Variants in EDEM2 observed in about 807,000 individuals in gnomAD.
The protein encoded by EDEM2 is ER degradation enhancing alpha-mannosidase like protein 2.
In EDEM2, 39 loss-of-function variants were observed where a neutral mutation model predicts 64.8. That is an observed-to-expected ratio of 0.60 (90% CI 0.47 to 0.79). The LOEUF is 0.79. Ranked by LOEUF, EDEM2 falls within the 30% of genes least tolerant of loss-of-function variation. EDEM2 has a pLI of 0.00. For synonymous variants in EDEM2, 296 were observed against 291.5 expected, an observed-to-expected ratio of 1.02 and a Z score of -0.16; for missense variants, 609 against 731.3, an observed-to-expected ratio of 0.83 and a Z score of 1.93.
chr20:35,119,193 T>G (rs1352483013), intron 9 of EDEM2, among the ~76,000 whole-genome samples: 2 of 152,218 alleles, frequency 1.3e-5, no homozygotes, highest in Non-Finnish European at 2.9e-5. Context: ...TTTTTTTTCC[T>G]GTCACTCAGA....
chr20:35,139,527 G>A (rs1035401133), intron 4 of EDEM2, among the ~76,000 whole-genome samples: 13 of 151,536 alleles, frequency 8.6e-5, no homozygotes, highest in Non-Finnish European at 1.3e-4. Flanking sequence ...TTGTGCGCCT[G>A]TAGTCCCAGC....
rs1433696312 is a variant in EDEM2 at position 35,118,679 on chromosome 20, C to T, written c.1155G>A (p.Gly385=). 6.2e-7 allele frequency: 1 copy of T among 1,613,380 alleles called. No individual in the cohort carries two copies. Among genetic ancestry groups the T allele is most frequent in the South Asian group, 1.1e-5 (1 of 91,052 alleles). ...ESAMYLYRAT[G]DPTLLELGRD... is the part of the protein sequence containing the mutation. ...TTCCGAGTTCTAGGAGGGTGGGATCCCCCGTGGCACGGTAGAGGTACATTG... is the reference window on the plus strand; with the variant it reads ...TTCCGAGTTCTAGGAGGGTGGGATCTCCCGTGGCACGGTAGAGGTACATTG... The change falls in exon 10 of 11, where the codon GGG becomes GGA. Residue 385 remains glycine, a synonymous_variant. Transcript: ENST00000374492.
intron 3 of EDEM2, among the ~76,000 whole-genome samples, chr20:35,144,702 G>A (rs2085704622): frequency 6.6e-6 from 1 of 152,154 alleles, no homozygotes; most frequent in Non-Finnish European, 1.5e-5. Context: ...AGATGTCAAA[G>A]TCTCTGTATC....
At chr20:35,134,019 G>A in intron 6 of EDEM2, 3 of 448,088 alleles carry the variant, frequency 6.7e-6, no homozygotes, top group South Asian at 3.2e-5. Context: ...ATCCAGTTCT[G>A]ACTAAATCCA....
rs764977629 is a variant in EDEM2 at position 35,142,406 on chromosome 20, C to T, written c.331G>A (p.Val111Met). 1.2e-6 allele frequency: 2 copies of T among 1,614,094 alleles called. No individual in the cohort carries two copies. Among genetic ancestry groups the T allele is most frequent in the Non-Finnish European group, 1.7e-6 (2 of 1,179,994 alleles). Residue 111 changes from valine to methionine, a missense_variant, in exon 4 of 11, where the codon GTG becomes ATG. Transcript: ENST00000374492. ...LQDSVDFDID[V>M]NASVFETNIR... is the part of the protein sequence containing the mutation. ...TTTGTTTCAAACACAGAGGCGTTCA[C>T]ATCAATATCAAAGTCCACGCTGTCC...
chr20:35,124,579 G>A (rs1219464309), intron 8 of EDEM2, among the ~76,000 whole-genome samples: 4 of 151,870 alleles, frequency 2.6e-5, no homozygotes, highest in Non-Finnish European at 1.5e-5. Context: ...TGTTGCCCAG[G>A]CTGGTCTTAA....
chr20:35,135,607 C>T (rs1600713127), intron 5 of EDEM2, among the ~76,000 whole-genome samples: 2 of 152,156 alleles, frequency 1.3e-5, no homozygotes, highest in East Asian at 1.9e-4. Flanking sequence ...GCTGAGATTG[C>T]ACCACTGCAC....
rs778823343 is a variant in EDEM2, at chr20:35,131,803, A to G, written c.703-20T>C. ...GCCGACCTGAGAGAGAGAAAGACAC[A>G]CGGTCCCAACGGGAAGGCCGATGGC... On this transcript the variant is annotated intron_variant, in intron 6 of 10. Transcript: ENST00000374492. The G allele has an allele frequency of 3.7e-6, 6 of 1,608,850 alleles. No individual in the cohort carries two copies. In the South Asian group the frequency reaches 6.6e-5, roughly 18 times the overall value.
rs776635644 is a variant in EDEM2, at chr20:35,142,493, G to A, written c.259-15C>T. The A allele has an allele frequency of 1.8e-5, 29 of 1,600,396 alleles. No homozygotes were observed. Among genetic ancestry groups the A allele is most frequent in the Non-Finnish European group, 2.3e-5 (27 of 1,168,798 alleles). On this transcript the variant is annotated splice_polypyrimidine_tract_variant and intron_variant, in intron 3 of 10. Transcript: ENST00000374492. Reference sequence around the variant, plus strand: ...TTCCCCAAAATCTGGAAATAAAAAAGAGACCTGACAATGAGGCTCTTACAT... The same window carrying A: ...TTCCCCAAAATCTGGAAATAAAAAAAAGACCTGACAATGAGGCTCTTACAT...
intron 7 of EDEM2, among the ~76,000 whole-genome samples, chr20:35,130,169 A>T (rs1456256880): frequency 1.3e-5 from 2 of 152,240 alleles, no homozygotes; most frequent in African/African-American, 4.8e-5. Flanking sequence ...CCCAGGGTCA[A>T]GCAATCCTTC....
At chr20:35,118,386 T>C (rs1342950545) in intron 10 of EDEM2, 1 of 630,148 alleles carries the variant, frequency 1.6e-6, no homozygotes, top group Non-Finnish European at 2.7e-6. Context: ...GAACTAATTC[T>C]AGCTCTACCT....
intron 9 of EDEM2, among the ~76,000 whole-genome samples, chr20:35,122,940 T>C (rs1374683169): frequency 1.3e-5 from 2 of 152,100 alleles, no homozygotes; most frequent in Non-Finnish European, 2.9e-5. Flanking sequence ...ATAGCCTGTT[T>C]TGGGGTGGGG....
intron 10 of EDEM2, among the ~76,000 whole-genome samples, chr20:35,116,614 G>A (rs1428507948): frequency 6.6e-6 from 1 of 152,098 alleles, no homozygotes; most frequent in Non-Finnish European, 1.5e-5. Flanking sequence ...TCACCAGAAA[G>A]GTCTCCGCTA....
chr20:35,140,714 T>C (rs2085641800), intron 4 of EDEM2, among the ~76,000 whole-genome samples: 2 of 152,092 alleles, frequency 1.3e-5, no homozygotes, highest in African/African-American at 2.4e-5. Flanking sequence ...TGGAAAACTA[T>C]GTAAAAAGCT....
chr20:35,135,440 C>T (rs1415628959), intron 5 of EDEM2, among the ~76,000 whole-genome samples: 1 of 152,182 alleles, frequency 6.6e-6, no homozygotes, highest in East Asian at 1.9e-4. Flanking sequence ...CACTTGAGGC[C>T]AGGAGTTCGA....
Position 35,126,341 on chromosome 20 carries a change from G to T in EDEM2, c.879C>A (p.Phe293Leu), listed in dbSNP as rs773772404. Residue 293 changes from phenylalanine to leucine, a missense_variant, in exon 8 of 11, where the codon TTC (phenylalanine) becomes TTA (leucine). Transcript: ENST00000374492. ...YNKAIRNYTR[F>L]DDWYLWVQMY... Reference sequence around the variant, plus strand: ...TCTGAACCCACAGGTACCAGTCATCGAAGCGGGTGTAGTTCCGGATGGCTT... The same window carrying T: ...TCTGAACCCACAGGTACCAGTCATCTAAGCGGGTGTAGTTCCGGATGGCTT... 6.2e-7 allele frequency: 1 copy of T among 1,614,094 alleles called. No individual in the cohort carries two copies. Among genetic ancestry groups the T allele is most frequent in the Admixed American group, 1.7e-5 (1 of 60,010 alleles).
chr20:35,144,930 TG>T (rs1387928880), intron 3 of EDEM2, 48 bp downstream of exon 3: 2 of 1,594,636 alleles, frequency 1.3e-6, no homozygotes, highest in African/African-American at 2.7e-5. Context: ...AGAGGAAGGA[TG>T]TTGGTTATGT....
At chr20:35,136,669 A>G (rs2085579815) in intron 5 of EDEM2, among the ~76,000 whole-genome samples, 1 of 150,862 alleles carries the variant, frequency 6.6e-6, no homozygotes, top group Non-Finnish European at 1.5e-5. Flanking sequence ...GGGAGAATCA[A>G]CTGAGCCCAG....
chr20:35,115,612 CAG>C lies in EDEM2; in HGVS notation c.1556_1557del (p.Thr519SerfsTer2), dbSNP rs1320480390. ...KRSRSKFQKN[T>X]VSSGPWEPPA... ...GGAGGTTCCCATGGCCCCGAACTAA[CAG>C]TGTTTTTCTGAAATTTCGACCTGCT... On this transcript the variant is annotated frameshift_variant, in exon 11 of 11. Transcript: ENST00000374492. LOFTEE classifies it high-confidence loss of function. The C allele has an allele frequency of 1.9e-5, 31 of 1,612,916 alleles. No homozygotes were observed. The highest frequency in any genetic ancestry group is 2.5e-5 in the Non-Finnish European group (30 of 1,180,006).
Sources: allele counts gnomAD v4.1 joint callset (sites outside exome capture counted in the v4.1 genomes callset), GRCh38; gene constraint gnomAD v4.1.1; transcripts MANE v1.5; gene names NCBI Gene and HGNC (gene_info 2026-07-23, HGNC 2026-07-21).